The following ADAMTSL1 variants were observed in gnomAD, a reference collection of about 807,000 sequenced individuals.
ADAMTSL1 encodes ADAMTS-like protein 1.
ADAMTSL1 carries 126 observed loss-of-function variants against 201.8 expected under a neutral mutation model. The ratio of observed to expected loss-of-function variants is 0.62; its 90% confidence interval spans 0.54 to 0.72. The LOEUF (loss-of-function observed/expected upper bound fraction) is 0.72, where lower values mean the gene tolerates loss of function less well. ADAMTSL1 is among the 30% of genes least tolerant of loss of function. The pLI is 0.00. For missense variants in ADAMTSL1, 2,679 were observed against 2,277.8 expected (o/e 1.18, Z -3.59); for synonymous variants, 1,121 against 903.4 (o/e 1.24, Z -4.32).
intron 21 of ADAMTSL1, 95 bp from the exon 22 acceptor site, chr9:18,826,189 G>A: frequency 2.1e-6 from 3 of 1,441,882 alleles, no homozygotes; most frequent in Non-Finnish European, 2.9e-6. Context: ...GCAGCCCCAG[G>A]GAAGGGGGAT....
chr9:18,564,496 A>G (rs913009346), intron 3 of ADAMTSL1, among the ~76,000 whole-genome samples: 10 of 152,226 alleles, frequency 6.6e-5, no homozygotes, highest in African/African-American at 2.2e-4. Flanking sequence ...AAATAGAAAC[A>G]TAAGGAACTT....
intron 1 of ADAMTSL1, among the ~76,000 whole-genome samples, chr9:18,042,021 T>G (rs916400606): frequency 2.6e-5 from 4 of 151,820 alleles, no homozygotes; most frequent in African/African-American, 9.7e-5. Flanking sequence ...GGGTGATGCC[T>G]TTGATCAAAT....
intron 16 of ADAMTSL1, among the ~76,000 whole-genome samples, chr9:18,764,984 A>C (rs968168247): frequency 1.3e-5 from 2 of 152,294 alleles, no homozygotes; most frequent in South Asian, 4.1e-4. Context: ...ATTTTATTAC[A>C]TCTATACCCT....
At chr9:18,292,720 C>G (rs2132690200) in intron 2 of ADAMTSL1, among the ~76,000 whole-genome samples, 1 of 152,298 alleles carries the variant, frequency 6.6e-6, no homozygotes, top group South Asian at 2.1e-4. Flanking sequence ...GTCTGTTGGA[C>G]TTAAACCAAT....
chr9:18,048,187 T>C (rs1166615184), intron 1 of ADAMTSL1, among the ~76,000 whole-genome samples: 1 of 152,206 alleles, frequency 6.6e-6, no homozygotes, highest in African/African-American at 2.4e-5. Context: ...GGGCTTATCT[T>C]TGGGCTATTC....
chr9:18,039,797 T>A (rs371391448), intron 1 of ADAMTSL1, among the ~76,000 whole-genome samples: 47 of 152,322 alleles, frequency 3.1e-4, no homozygotes, highest in African/African-American at 1.1e-3. Context: ...TACTCATTTT[T>A]AAAAATTATT....
intron 2 of ADAMTSL1, among the ~76,000 whole-genome samples, chr9:18,305,915 G>C (rs1429153806): frequency 6.6e-6 from 1 of 152,034 alleles, no homozygotes; most frequent in Non-Finnish European, 1.5e-5. Flanking sequence ...CTGACTGAGA[G>C]ACACCTCCCA....
chr9:18,580,483 A>C (rs890951893), intron 4 of ADAMTSL1, among the ~76,000 whole-genome samples: 1 of 152,168 alleles, frequency 6.6e-6, no homozygotes, highest in Non-Finnish European at 1.5e-5. Flanking sequence ...CTAATTCCAC[A>C]TGGAAGCATG....
intron 15 of ADAMTSL1, among the ~76,000 whole-genome samples, chr9:18,733,267 A>G (rs1818316346): frequency 6.6e-6 from 1 of 152,230 alleles, no homozygotes; most frequent in African/African-American, 2.4e-5. Context: ...TCTATCAGAT[A>G]ACCTTCATCT....
At chr9:18,562,727 T>A (rs991840376) in intron 3 of ADAMTSL1, among the ~76,000 whole-genome samples, 1 of 152,228 alleles carries the variant, frequency 6.6e-6, no homozygotes, top group South Asian at 2.1e-4. Context: ...TTTATTCTTT[T>A]TTCTCTAATC....
intron 4 of ADAMTSL1, among the ~76,000 whole-genome samples, chr9:18,601,532 C>T (rs1002991541): frequency 6.6e-6 from 1 of 152,144 alleles, no homozygotes; most frequent in African/African-American, 2.4e-5. Flanking sequence ...ATTAATTAGC[C>T]ATGGCCAGGG....
chr9:18,901,667 G>A (rs1830026381), intron 26 of ADAMTSL1, among the ~76,000 whole-genome samples: 1 of 152,048 alleles, frequency 6.6e-6, no homozygotes, highest in Admixed American at 6.6e-5. Context: ...TATAGCCAAA[G>A]AAGAATGAGA....
Position 18,795,463 on chromosome 9 carries a change from C to T in ADAMTSL1, c.3744C>T (p.Tyr1248=), listed in dbSNP as rs752272353. The change falls in exon 20 of 29, where the codon TAC becomes TAT. Residue 1248 remains tyrosine, a synonymous_variant. Coordinates refer to ENST00000380548, the MANE Select transcript of ADAMTSL1 (RefSeq NM_001040272.6). ...LAPVEADVGF[Y]TCNATNALGY... is the part of the protein sequence containing the mutation. Reference sequence around the variant, plus strand: ...CAGTGGAAGCAGATGTGGGTTTCTACACTTGCAATGCCACCAATGCCTTGG... The same window carrying T: ...CAGTGGAAGCAGATGTGGGTTTCTATACTTGCAATGCCACCAATGCCTTGG... 6.2e-7 allele frequency: 1 copy of T among 1,613,898 alleles called. No homozygotes were observed.
chr9:18,309,814 A>C (rs1834048704), intron 2 of ADAMTSL1, among the ~76,000 whole-genome samples: 1 of 151,184 alleles, frequency 6.6e-6, no homozygotes, highest in Non-Finnish European at 1.5e-5. Context: ...GACTTTCTTC[A>C]CAGAATTAAA....
rs1285934249 is a variant in ADAMTSL1 at position 18,283,912 on chromosome 9, C to T, written c.207+119931C>T. Among the ~76,000 whole-genome samples the T allele has an allele frequency of 4.7e-4, 6 of 12,688 alleles. No individual in the cohort carries two copies. In the South Asian group the frequency reaches 9.2e-3, roughly 19 times the overall value. 8.3% of individuals were successfully genotyped at this position (12,688 alleles called of 152,430 possible). A position where few individuals can be genotyped will look rare whatever the true frequency, so the allele number is the denominator to read the frequency against. On this transcript the variant is annotated intron_variant, in intron 2 of 29. Transcript: ENST00000680146. ...TAGCCTGGGCAACAGAGCAAGACTC[C>T]GTCTAAAAAAAAAAAAAAGAAGAAG...
At chr9:18,036,274 G>A (rs902237046) in intron 1 of ADAMTSL1, among the ~76,000 whole-genome samples, 5 of 152,200 alleles carry the variant, frequency 3.3e-5, no homozygotes, top group African/African-American at 1.2e-4. Flanking sequence ...CAGGGAAGAG[G>A]TTGAGAGGCC....
At chr9:18,383,600 A>G (rs1300645032) in intron 2 of ADAMTSL1, among the ~76,000 whole-genome samples, 1 of 152,120 alleles carries the variant, frequency 6.6e-6, no homozygotes, top group African/African-American at 2.4e-5. Flanking sequence ...AACAGATGTG[A>G]GGCTTCTCAG....
At chr9:18,396,796 A>G (rs1473476378) in intron 2 of ADAMTSL1, among the ~76,000 whole-genome samples, 1 of 152,108 alleles carries the variant, frequency 6.6e-6, no homozygotes, top group Non-Finnish European at 1.5e-5. Context: ...TTACAAGCAT[A>G]AAAACTCAGC....
At position 18,903,479 on chromosome 9, in the gene ADAMTSL1, A is replaced by G. The variant is rs1830121876; in HGVS notation, c.4852-2303A>G. Among the ~76,000 whole-genome samples, 2 of 152,230 alleles carry G rather than the reference A, an allele frequency of 1.3e-5. 1 individual carries two copies. Among genetic ancestry groups the G allele is most frequent in the African/African-American group, 4.8e-5 (2 of 41,462 alleles). ...GAAAGAGACTAGAGAGTAGACACAA[A>G]GTAGGCTCCTGAGTTGCTGACAGCA... On this transcript the variant is annotated intron_variant, in intron 26 of 28. Transcript: ENST00000380548.
Sources: gnomAD v4.1 joint callset for allele counts (sites outside exome capture counted in the v4.1 genomes callset) on GRCh38, gnomAD v4.1.1 for gene constraint, MANE v1.5 for transcripts, NCBI Gene and HGNC (gene_info 2026-07-23, HGNC 2026-07-21) for gene names.